The following ZFHX3 variants were observed in gnomAD, a reference collection of about 807,000 sequenced individuals.
The protein encoded by ZFHX3 is zinc finger homeobox protein 3.
In ZFHX3, 42 loss-of-function variants were observed where a neutral mutation model predicts 279.1. The ratio of observed to expected loss-of-function variants is 0.15; its 90% confidence interval spans 0.12 to 0.19. ZFHX3 has a LOEUF of 0.19. Among genes scored for constraint, ZFHX3 ranks in the 10% least tolerant of loss-of-function variants. The pLI, the probability that ZFHX3 is intolerant of heterozygous loss-of-function variation, is 1.00. For synonymous variants in ZFHX3, 2,293 were observed against 1,957.8 expected, an observed-to-expected ratio of 1.17 and a Z score of -4.52; for missense variants, 4,981 against 4,754.0, an observed-to-expected ratio of 1.05 and a Z score of -1.40.
At chr16:73,406,037 A>G (rs2017353191) in intron 3 of ZFHX3, among the ~76,000 whole-genome samples, 1 of 152,254 alleles carries the variant, frequency 6.6e-6, no homozygotes. Flanking sequence ...CACGCCGGGT[A>G]GAGGGAACAC....
At chr16:73,793,231 G>C (rs952599991) in intron 1 of ZFHX3, among the ~76,000 whole-genome samples, 3 of 152,202 alleles carry the variant, frequency 2.0e-5, no homozygotes, top group Non-Finnish European at 4.4e-5. Context: ...ATGTGGCTTT[G>C]CTTCAGCAAG....
chr16:72,929,081 T>C (rs34063450), intron 3 of ZFHX3, among the ~76,000 whole-genome samples: 23,068 of 151,408 alleles, frequency 0.15, 2,196 homozygotes, highest in Non-Finnish European at 0.22. Context: ...CTACTGAAAA[T>C]ACAAAAATCA....
At chr16:73,430,775 C>G (rs1314130306) in intron 3 of ZFHX3, among the ~76,000 whole-genome samples, 1 of 152,198 alleles carries the variant, frequency 6.6e-6, no homozygotes, top group Non-Finnish European at 1.5e-5. Flanking sequence ...AAGTAAGTGG[C>G]CAGTGCATTG....
chr16:72,948,596 T>C (rs1960822905), intron 3 of ZFHX3, among the ~76,000 whole-genome samples: 2 of 152,280 alleles, frequency 1.3e-5, no homozygotes, highest in Non-Finnish European at 2.9e-5. Context: ...CAGACTCTTA[T>C]TCAAGACTCC....
intron 5 of ZFHX3, among the ~76,000 whole-genome samples, chr16:73,153,843 T>G (rs1597187600): frequency 6.6e-6 from 1 of 151,942 alleles, no homozygotes; most frequent in South Asian, 2.1e-4. Flanking sequence ...AGAGTCGGGG[T>G]TTCACCATGT....
intron 1 of ZFHX3, among the ~76,000 whole-genome samples, chr16:72,978,334 C>G (rs1251933594): frequency 6.6e-6 from 1 of 152,228 alleles, no homozygotes; most frequent in Non-Finnish European, 1.5e-5. Flanking sequence ...TTTACCGGAA[C>G]TGACACAGCT....
chr16:73,645,334 G>A (rs1325856866), intron 2 of ZFHX3, among the ~76,000 whole-genome samples: 1 of 152,138 alleles, frequency 6.6e-6, no homozygotes, highest in Non-Finnish European at 1.5e-5. Flanking sequence ...TCGGCTCACT[G>A]CAAGCTCCAC....
At chr16:73,885,963 C>T (rs942707326) in intron 1 of ZFHX3, among the ~76,000 whole-genome samples, 33 of 152,134 alleles carry the variant, frequency 2.2e-4, no homozygotes, top group African/African-American at 7.0e-4. Flanking sequence ...AATGTTAGAG[C>T]GAAGTTTTCC....
intron 3 of ZFHX3, among the ~76,000 whole-genome samples, chr16:73,341,048 T>C (rs754233754): frequency 6.6e-6 from 1 of 152,110 alleles, no homozygotes; most frequent in Non-Finnish European, 1.5e-5. Context: ...AAAGTCTTCT[T>C]AAAAATTGAG....
intron 3 of ZFHX3, among the ~76,000 whole-genome samples, chr16:73,434,612 T>G (rs915680597): frequency 1.4e-3 from 2 of 1,428 alleles, no homozygotes; most frequent in Non-Finnish European, 2.2e-3. Context: ...TGGATGGTGT[T>G]TTTTTTTTGT....
At chr16:73,156,949 T>C (rs1967101293) in intron 5 of ZFHX3, among the ~76,000 whole-genome samples, 1 of 152,134 alleles carries the variant, frequency 6.6e-6, no homozygotes, top group Non-Finnish European at 1.5e-5. Flanking sequence ...CCTGACCTCG[T>C]GATCTGCCCA....
chr16:73,551,316 C>T (rs868066463), intron 2 of ZFHX3, among the ~76,000 whole-genome samples: 11 of 152,060 alleles, frequency 7.2e-5, no homozygotes, highest in African/African-American at 2.7e-4. Flanking sequence ...TCAAACAATA[C>T]CAGTTACTAA....
chr16:73,888,357 A>G (rs952158820), intron 1 of ZFHX3, among the ~76,000 whole-genome samples: 2 of 152,196 alleles, frequency 1.3e-5, no homozygotes, highest in Non-Finnish European at 2.9e-5. Flanking sequence ...CTTGCGAGGG[A>G]ATACGGCTTT....
chr16:72,851,938 G>C (rs1471683634), intron 4 of ZFHX3, among the ~76,000 whole-genome samples: 1 of 152,154 alleles, frequency 6.6e-6, no homozygotes, highest in Non-Finnish European at 1.5e-5. Context: ...AGGTGAACTA[G>C]TTACGTGGCC....
chr16:73,811,438 CTT>C (rs34134056), intron 1 of ZFHX3, among the ~76,000 whole-genome samples: 176 of 106,560 alleles, frequency 1.7e-3, no homozygotes, highest in African/African-American at 5.0e-3. Context: ...TCAGTCTCTT[CTT>C]TTTTTTTTTT....
intron 1 of ZFHX3, among the ~76,000 whole-genome samples, chr16:73,020,728 T>C (rs1420479155): frequency 3.3e-5 from 5 of 152,198 alleles, no homozygotes; most frequent in Admixed American, 2.0e-4. Flanking sequence ...TTTAAATATT[T>C]ACTGGTTTAA....
At chr16:73,778,549 A>G (rs372916119) in intron 1 of ZFHX3, among the ~76,000 whole-genome samples, 46 of 152,362 alleles carry the variant, frequency 3.0e-4, no homozygotes, top group African/African-American at 1.1e-3. Context: ...CTGGGTTCTA[A>G]CTATTTTCCA....
intron 5 of ZFHX3, among the ~76,000 whole-genome samples, chr16:73,191,309 G>A (rs1968027599): frequency 6.6e-6 from 1 of 152,102 alleles, no homozygotes. Context: ...CCCCCCGGCC[G>A]CCCCAGCACA....
chr16:73,258,986 G>A (rs55639728), intron 4 of ZFHX3, among the ~76,000 whole-genome samples: 1 of 152,010 alleles, frequency 6.6e-6, no homozygotes, highest in African/African-American at 2.4e-5. Flanking sequence ...TGTGCAATCT[G>A]TTTTCTTTAA....
Sources: gnomAD v4.1 joint callset for allele counts (sites outside exome capture counted in the v4.1 genomes callset) on GRCh38, gnomAD v4.1.1 for gene constraint, MANE v1.5 for transcripts, NCBI Gene and HGNC (gene_info 2026-07-23, HGNC 2026-07-21) for gene names.